SLCO1A2: variants seen among roughly 807,000 people sequenced by gnomAD.
The protein encoded by SLCO1A2 is OATP-1.
Under a neutral mutation model 69.0 loss-of-function variants are expected in SLCO1A2, and 67 were observed. That is an observed-to-expected ratio of 0.97 (90% CI 0.80 to 1.19). The LOEUF (loss-of-function observed/expected upper bound fraction) is 1.19, where lower values mean the gene tolerates loss of function less well. Among genes scored for constraint, SLCO1A2 ranks in the 50% most tolerant of loss-of-function variants. The probability of loss-of-function intolerance (pLI) is 0.00; values close to 1 mark genes in which losing one functional copy is unlikely to be tolerated. For missense variants in SLCO1A2, 787 were observed against 793.7 expected (o/e 0.99, Z 0.10); for synonymous variants, 260 against 265.9 (o/e 0.98, Z 0.22).
At position 21,334,904 on chromosome 12, in the gene SLCO1A2, C is replaced by T. The variant is rs61210997; in HGVS notation, c.-140G>A. 24 of 366,798 alleles carry T rather than the reference C, an allele frequency of 6.5e-5. No individual in the cohort carries two copies. Among genetic ancestry groups the T allele is most frequent in the Admixed American group, 2.8e-4 (6 of 21,314 alleles). 22.7% of individuals were successfully genotyped at this position (366,798 alleles called of 1,614,324 possible). On this transcript the variant is annotated 5_prime_UTR_variant, in exon 1 of 15. It removes an upstream start codon present in the reference 5' UTR. Coordinates refer to ENST00000683939, the MANE Select transcript of SLCO1A2 (RefSeq NM_001386879.1). Reference sequence around the variant, plus strand: ...TGTTGGTTTTCTATTTCAAAAGGTACATCAAATAACTTTAGTGACTCTTTA... The same window carrying T: ...TGTTGGTTTTCTATTTCAAAAGGTATATCAAATAACTTTAGTGACTCTTTA...
intron 1 of SLCO1A2, chr12:21,378,599 T>C (rs970077589): frequency 7.3e-6 from 4 of 545,262 alleles, no homozygotes; most frequent in African/African-American, 1.9e-5. Flanking sequence ...TAAGGTCCCA[T>C]AATAAAAAGA....
chr12:21,308,426 A>G (rs1376047705), intron 4 of SLCO1A2, among the ~76,000 whole-genome samples: 1 of 152,198 alleles, frequency 6.6e-6, no homozygotes, highest in African/African-American at 2.4e-5. Context: ...CAGGCAAGAT[A>G]CTTAAATGCA....
intron 2 of SLCO1A2, among the ~76,000 whole-genome samples, chr12:21,328,542 C>T (rs1464511484): frequency 1.3e-5 from 2 of 152,078 alleles, no homozygotes; most frequent in Non-Finnish European, 1.5e-5. Flanking sequence ...TATGGATTCT[C>T]CTGGCGTGAG....
Position 21,357,043 on chromosome 12 carries a change from C to G in SLCO1A2, c.-63+17356G>C, listed in dbSNP as rs184152820. On this transcript the variant is annotated intron_variant, in intron 2 of 15. Transcript: ENST00000307378. ...AATTTCACTGAGAAAGATTTACGAA[C>G]AAAATCTACTGAGCTAAAGAAAGGA... is the stretch of plus-strand genomic sequence containing the variant. Among the ~76,000 whole-genome samples, 525 of 151,936 alleles carry G rather than the reference C, an allele frequency of 3.5e-3. 4 individuals carry two copies. The highest frequency in any genetic ancestry group is 0.012 in the African/African-American group (497 of 41,486).
At chr12:21,275,895 T>C (rs11045926) in intron 12 of SLCO1A2, among the ~76,000 whole-genome samples, 28,301 of 151,804 alleles carry the variant, frequency 0.19, 3,316 homozygotes, top group African/African-American at 0.33. Flanking sequence ...TGAGCTGAAA[T>C]TGCGCCACTG....
At chr12:21,335,044 T>G (rs991699636), upstream of SLCO1A2, 1 of 156,446 alleles carries the variant, frequency 6.4e-6, no homozygotes, top group African/African-American at 2.4e-5. Flanking sequence ...AAGACTTCCA[T>G]GAAAATAGCT....
chr12:21,362,453 T>C (rs1463620422), intron 2 of SLCO1A2, among the ~76,000 whole-genome samples: 5 of 152,120 alleles, frequency 3.3e-5, no homozygotes, highest in Admixed American at 1.3e-4. Flanking sequence ...ACATGCCAAA[T>C]TGTAAAGACC....
intron 1 of SLCO1A2, among the ~76,000 whole-genome samples, chr12:21,393,989 A>C (rs1006934341): frequency 1.4e-4 from 21 of 152,216 alleles, no homozygotes; most frequent in African/African-American, 3.6e-4. Context: ...ATAAAACAAT[A>C]ACAGAACTGA....
chr12:21,338,728 A>G (rs560810226), upstream of SLCO1A2, among the ~76,000 whole-genome samples: 1 of 152,082 alleles, frequency 6.6e-6, no homozygotes, highest in East Asian at 1.9e-4. Flanking sequence ...AGGTAAGTAC[A>G]AACATATGTA....
At chr12:21,350,513 A>G (rs1189125391) in intron 2 of SLCO1A2, among the ~76,000 whole-genome samples, 1 of 152,152 alleles carries the variant, frequency 6.6e-6, no homozygotes, top group South Asian at 2.1e-4. Context: ...CATTACTTTA[A>G]ATTGACATGC....
chr12:21,396,689 C>A (rs1941474677), upstream of SLCO1A2, among the ~76,000 whole-genome samples: 1 of 152,170 alleles, frequency 6.6e-6, no homozygotes, highest in Admixed American at 6.5e-5. Flanking sequence ...AGAAACCCTA[C>A]AAGCCAGAAG....
intron 2 of SLCO1A2, among the ~76,000 whole-genome samples, chr12:21,368,201 T>C (rs1212361259): frequency 6.6e-6 from 1 of 152,100 alleles, no homozygotes. Flanking sequence ...GACATATTCT[T>C]ACCAAAATAA....
intron 8 of SLCO1A2, among the ~76,000 whole-genome samples, chr12:21,297,893 C>T (rs1027211190): frequency 6.6e-6 from 1 of 152,216 alleles, no homozygotes; most frequent in East Asian, 1.9e-4. Flanking sequence ...TTATTACTAA[C>T]CTTTTGTTCT....
intron 2 of SLCO1A2, among the ~76,000 whole-genome samples, chr12:21,323,520 G>C (rs1344758922): frequency 6.6e-6 from 1 of 152,114 alleles, no homozygotes; most frequent in Non-Finnish European, 1.5e-5. Flanking sequence ...AGCCTTGATG[G>C]CACCACTACA....
chr12:21,398,250 A>T (rs1371877147), upstream of SLCO1A2, among the ~76,000 whole-genome samples: 3 of 151,328 alleles, frequency 2.0e-5, no homozygotes. Context: ...AAACACCTCT[A>T]CGCAAATAAA....
intron 2 of SLCO1A2, among the ~76,000 whole-genome samples, chr12:21,356,728 C>G (rs1324426365): frequency 2.0e-5 from 3 of 151,944 alleles, no homozygotes; most frequent in African/African-American, 7.2e-5. Context: ...GACAAACAGG[C>G]AGAAACATTT....
At chr12:21,296,554 A>G (rs1289335466) in intron 9 of SLCO1A2, among the ~76,000 whole-genome samples, 1 of 152,198 alleles carries the variant, frequency 6.6e-6, no homozygotes, top group African/African-American at 2.4e-5. Flanking sequence ...AAGGTACTTT[A>G]GAGAGTCACT....
chr12:21,343,759 A>C (rs1222583154), intron 2 of SLCO1A2, among the ~76,000 whole-genome samples: 21 of 152,138 alleles, frequency 1.4e-4, no homozygotes, highest in Non-Finnish European at 1.5e-5. Context: ...TTTATAAAAC[A>C]CAGGAGAAGA....
At chr12:21,380,911 C>T (rs1271354077) in intron 1 of SLCO1A2, among the ~76,000 whole-genome samples, 1 of 118,540 alleles carries the variant, frequency 8.4e-6, no homozygotes, top group Non-Finnish European at 1.6e-5. Flanking sequence ...CAAGAATTAT[C>T]AGGCGACTAT....
Sources: gnomAD v4.1 joint callset for allele counts (sites outside exome capture counted in the v4.1 genomes callset) on GRCh38, gnomAD v4.1.1 for gene constraint, MANE v1.5 for transcripts, NCBI Gene and HGNC (gene_info 2026-07-23, HGNC 2026-07-21) for gene names.